Variants in DNTTIP1 observed in about 807,000 individuals in gnomAD.
The protein encoded by DNTTIP1 is deoxynucleotidyltransferase terminal-interacting protein 1.
Under a neutral mutation model 52.9 loss-of-function variants are expected in DNTTIP1, and 22 were observed. The ratio of observed to expected loss-of-function variants is 0.42; its 90% CI spans 0.30 to 0.59. DNTTIP1 has a LOEUF of 0.59. DNTTIP1 is among the 20% of genes least tolerant of loss of function. DNTTIP1 has a pLI of 0.22. For missense variants in DNTTIP1, 286 were observed against 435.5 expected, an observed-to-expected ratio of 0.66 and a Z score of 3.06; for synonymous variants, 136 against 155.1, an observed-to-expected ratio of 0.88 and a Z score of 0.92.
Position 45,802,060 on chromosome 20 carries a change from G to C in DNTTIP1, c.557+3G>C. 6.2e-7 allele frequency: 1 copy of C among 1,614,110 alleles called. No homozygotes were observed. Among genetic ancestry groups the C allele is most frequent in the Non-Finnish European group, 8.5e-7 (1 of 1,180,042 alleles). On this transcript the variant is annotated splice_donor_region_variant and intron_variant, in intron 7 of 12. Coordinates refer to ENST00000372622, the MANE Select transcript of DNTTIP1 (RefSeq NM_052951.3). ...GACCGGGCAGCCGCCGGCATGGTGT[G>C]AGTAGGGACCAACAGTGTGGTGAGA...
intron 1 of DNTTIP1, 162 bp from the exon 2 acceptor site, chr20:45,792,515 T>C: frequency 1.8e-6 from 1 of 543,598 alleles, no homozygotes. Flanking sequence ...GTTCCTCTTT[T>C]GTGGAGGAGG....
At chr20:45,801,249 C>A in intron 5 of DNTTIP1, 107 bp downstream of exon 5, 1 of 1,388,352 alleles carries the variant, frequency 7.2e-7, no homozygotes, top group Non-Finnish European at 1.0e-6. Context: ...ATTTGTAGGA[C>A]CAGGCCCACA....
At chr20:45,793,818 G>T in intron 2 of DNTTIP1, 103 bp from the exon 3 acceptor site, 1 of 611,270 alleles carries the variant, frequency 1.6e-6, no homozygotes, top group Non-Finnish European at 2.8e-6. Context: ...AATAAAAGCT[G>T]TCTAGTATTG....
intron 3 of DNTTIP1, 63 bp from the exon 4 acceptor site, chr20:45,795,282 G>C: frequency 1.1e-6 from 1 of 922,496 alleles, no homozygotes; most frequent in Non-Finnish European, 1.7e-6. Context: ...TTTATATTCA[G>C]TTTCCTTCAG....
At chr20:45,802,341 A>G (rs747790682) in intron 7 of DNTTIP1, among the ~76,000 whole-genome samples, 3 of 152,216 alleles carry the variant, frequency 2.0e-5, no homozygotes, top group Non-Finnish European at 2.9e-5. Flanking sequence ...AATACGTTAC[A>G]TACTTTACCT....
At chr20:45,805,100 A>C (rs1357915890) in intron 8 of DNTTIP1, 46 bp from the exon 9 acceptor site, 1 of 1,543,456 alleles carries the variant, frequency 6.5e-7, no homozygotes. Context: ...TGTCCTACCC[A>C]TCAGATTAAA....
rs1158615012 is a variant in DNTTIP1, at chr20:45,800,694, AATATATAT to A, written c.373-325_373-318del. Among the ~76,000 whole-genome samples the A allele has an allele frequency of 4.8e-3, 79 of 16,332 alleles. 1 individual carries two copies. Among genetic ancestry groups the A allele is most frequent in the South Asian group, 6.7e-3 (3 of 450 alleles). The allele number at this position is 16,332 out of a possible 152,430, so 10.7% of individuals were successfully genotyped here. On this transcript the variant is annotated intron_variant, in intron 4 of 12. Coordinates refer to ENST00000372622, the MANE Select transcript of DNTTIP1 (RefSeq NM_052951.3). ...CATCTCAATTTAAAAAAAAAAAAAA[AATATATAT>A]ATATATATATATATATATATATATA...
In DNTTIP1 at chr20:45,806,524, A is replaced by C. The variant is rs150459198; in HGVS notation, c.723+1158A>C. 3.4e-3 allele frequency among the ~76,000 whole-genome samples: 523 copies of C among 152,340 alleles called. 5 individuals carry two copies. The highest frequency in any genetic ancestry group is 0.012 in the African/African-American group (504 of 41,578). On this transcript the variant is annotated intron_variant, in intron 10 of 12. Coordinates refer to ENST00000372622, the MANE Select transcript of DNTTIP1 (RefSeq NM_052951.3). ...ATGATTTTGTATTTTATCAGTCACG[A>C]GAGCATCGAAGTAGATTAGAAGAAT...
chr20:45,802,026 C>T lies in DNTTIP1; in HGVS notation c.526C>T (p.Leu176=), dbSNP rs370375348. The T allele has an allele frequency of 1.9e-4, 299 of 1,614,086 alleles. 1 individual carries two copies. The highest frequency in any genetic ancestry group is 1.5e-3 in the Middle Eastern group (9 of 6,084). ...KRKGRPPGHI[L]SSDRAAAGMV... ...GAAAGGACGGCCTCCTGGACACATC[C>T]TGTCAAGCGACCGGGCAGCCGCCGG... is the stretch of plus-strand genomic sequence containing the variant. The change falls in exon 7 of 13, where the codon CTG becomes TTG. Residue 176 remains leucine (L), a synonymous_variant. Coordinates refer to ENST00000372622, the MANE Select transcript of DNTTIP1 (RefSeq NM_052951.3).
intron 1 of DNTTIP1, 72 bp from the exon 2 acceptor site, chr20:45,792,605 T>C: frequency 8.0e-7 from 1 of 1,243,870 alleles, no homozygotes; most frequent in Non-Finnish European, 1.1e-6. Flanking sequence ...TTTAACTTCA[T>C]ACCCACCCTC....
chr20:45,800,109 G>C (rs1223750396), intron 4 of DNTTIP1, among the ~76,000 whole-genome samples: 1 of 149,560 alleles, frequency 6.7e-6, no homozygotes, highest in Non-Finnish European at 1.5e-5. Context: ...AACAGAGCAA[G>C]ATTCCATGTC....
At position 45,809,038 on chromosome 20, in the gene DNTTIP1, C is replaced by G. The variant is rs1981741087; in HGVS notation, c.724-76C>G. Reference sequence around the variant, plus strand: ...CTTTTGGTAAGAACTGCTCAAGGGCCAAGAGTATGCTCTGGGACCAAATGA... The same window carrying G: ...CTTTTGGTAAGAACTGCTCAAGGGCGAAGAGTATGCTCTGGGACCAAATGA... On this transcript the variant is annotated intron_variant, in intron 10 of 12. Coordinates refer to ENST00000372622, the MANE Select transcript of DNTTIP1 (RefSeq NM_052951.3). This position sits in a 1 kb window ranked among gnomAD's most constrained non-coding sequence, Gnocchi z 4.2. The G allele has an allele frequency of 1.5e-6, 2 of 1,323,328 alleles. No individual in the cohort carries two copies. The highest frequency in any genetic ancestry group is 1.1e-6 in the Non-Finnish European group (1 of 920,466). The allele number at this position is 1,323,328 out of a possible 1,614,324, so 82.0% of individuals were successfully genotyped here. A position where few individuals can be genotyped will look rare whatever the true frequency, so the allele number is the denominator to read the frequency against.
Position 45,801,101 on chromosome 20 carries a change from A to G in DNTTIP1, c.400A>G (p.Lys134Glu). ...QAKLLFSDGEKVIPRLTHELP... is the reference protein window; with the variant it reads ...QAKLLFSDGEEVIPRLTHELP... The stretch of plus-strand genomic sequence containing the variant: ...TAAACTGCTCTTTTCAGATGGAGAA[A>G]AAGTAATACCCAGATTGACCCATGA... Residue 134 changes from lysine (K) to glutamate (E), a missense_variant, in exon 5 of 13, where the codon AAA (lysine) becomes GAA (glutamate). Lys to Glu is a moderately conservative substitution (Grantham distance 56, BLOSUM62 1). Transcript: ENST00000372622. 6.2e-7 allele frequency: 1 copy of G among 1,614,146 alleles called. No individual in the cohort carries two copies. The highest frequency in any genetic ancestry group is 8.5e-7 in the Non-Finnish European group (1 of 1,180,010).
chr20:45,807,930 C>T (rs964678005), intron 10 of DNTTIP1, among the ~76,000 whole-genome samples: 7 of 152,004 alleles, frequency 4.6e-5, no homozygotes, highest in Admixed American at 2.6e-4. Flanking sequence ...CCAACCTGGG[C>T]GACAGAGCAA....
In DNTTIP1 at chr20:45,811,186, A is replaced by G. The variant is rs747218339; in HGVS notation, c.981A>G (p.Pro327=). 9.9e-6 allele frequency: 16 copies of G among 1,609,238 alleles called. No individual in the cohort carries two copies. Among genetic ancestry groups the G allele is most frequent in the Admixed American group, 1.7e-5 (1 of 59,322 alleles). ...AGCATCGTGCTGTTGAAGCACCTCCACAGACCTGAGGCCGGGTCCCCTGGC... is the reference window on the plus strand; with the variant it reads ...AGCATCGTGCTGTTGAAGCACCTCCGCAGACCTGAGGCCGGGTCCCCTGGC... ...ENEHRAVEAP[P]QT Residue 327 remains proline, a synonymous_variant, in exon 13 of 13, where the codon CCA becomes CCG. Coordinates refer to ENST00000372622, the MANE Select transcript of DNTTIP1 (RefSeq NM_052951.3).
intron 10 of DNTTIP1, 121 bp downstream of exon 10, chr20:45,805,487 G>T: frequency 9.3e-7 from 1 of 1,077,560 alleles, no homozygotes; most frequent in Non-Finnish European, 1.3e-6. Context: ...GGTTCTAGTT[G>T]TGCCTCTGCC....
chr20:45,803,475 T>C (rs1326425861), intron 8 of DNTTIP1, 97 bp downstream of exon 8: 1 of 1,356,706 alleles, frequency 7.4e-7, no homozygotes, highest in African/African-American at 1.4e-5. Flanking sequence ...GGGCGAAGGG[T>C]GCATGCACAC....
chr20:45,807,510 T>G (rs1418754420), intron 10 of DNTTIP1, among the ~76,000 whole-genome samples: 1 of 152,228 alleles, frequency 6.6e-6, no homozygotes, highest in African/African-American at 2.4e-5. Context: ...GCCTGTTATA[T>G]CTTTTGCCCA....
At chr20:45,806,367 A>AAAAAAAG (rs1981648424) in intron 10 of DNTTIP1, among the ~76,000 whole-genome samples, 1 of 151,772 alleles carries the variant, frequency 6.6e-6, no homozygotes, top group African/African-American at 2.4e-5. Flanking sequence ...AAAAAAAAAA[A>AAAAAAAG]ATAGAGTTTG....
Sources: gnomAD v4.1 joint callset for allele counts (sites outside exome capture counted in the v4.1 genomes callset) on GRCh38, gnomAD v4.1.1 for gene constraint, Gnocchi (gnomAD v3.1) non-coding constraint, MANE v1.5 for transcripts, NCBI Gene and HGNC (gene_info 2026-07-23, HGNC 2026-07-21) for gene names.